Variants in MGAT4C observed in about 807,000 individuals in gnomAD.
MGAT4C encodes the protein MGAT4 family member C.
MGAT4C carries 19 observed loss-of-function variants against 40.1 expected under a neutral mutation model. The observed-to-expected ratio is 0.47, with a 90% CI of 0.33 to 0.70. The LOEUF (loss-of-function observed/expected upper bound fraction) is 0.70. Among genes scored for constraint, MGAT4C ranks in the 30% least tolerant of loss-of-function variants. MGAT4C has a pLI of 0.02. For missense variants in MGAT4C, 491 were observed against 563.2 expected (o/e 0.87, Z 1.30); for synonymous variants, 181 against 187.1 (o/e 0.97, Z 0.27).
intron 2 of MGAT4C, among the ~76,000 whole-genome samples, chr12:86,601,479 A>C (rs984573685): frequency 2.6e-5 from 4 of 152,088 alleles, no homozygotes; most frequent in African/African-American, 9.7e-5. Context: ...GCCTGTGGAT[A>C]GCGGTTACCT....
At chr12:86,360,591 C>T (rs1424848277) in intron 3 of MGAT4C, among the ~76,000 whole-genome samples, 3 of 152,130 alleles carry the variant, frequency 2.0e-5, no homozygotes, top group Admixed American at 1.3e-4. Context: ...AAAACCCCAT[C>T]GTCTCAGACC....
At chr12:86,003,615 T>C (rs774140106) in intron 2 of MGAT4C, among the ~76,000 whole-genome samples, 3 of 152,180 alleles carry the variant, frequency 2.0e-5, no homozygotes, top group Non-Finnish European at 2.9e-5. Flanking sequence ...TGTTGCAATA[T>C]AGTTGCTGAA....
At chr12:86,830,328 A>C (rs1952896756) in intron 1 of MGAT4C, among the ~76,000 whole-genome samples, 1 of 150,676 alleles carries the variant, frequency 6.6e-6, no homozygotes, top group Admixed American at 6.6e-5. Flanking sequence ...TTTAATTTCT[A>C]TCTGTTATTC....
At chr12:86,753,386 G>C (rs997610317) in intron 1 of MGAT4C, among the ~76,000 whole-genome samples, 1 of 152,116 alleles carries the variant, frequency 6.6e-6, no homozygotes, top group Admixed American at 6.6e-5. Context: ...GATACTTTTA[G>C]TTAATTTAAT....
chr12:86,310,981 C>T (rs1433145030), intron 4 of MGAT4C, among the ~76,000 whole-genome samples: 2 of 152,126 alleles, frequency 1.3e-5, no homozygotes, highest in African/African-American at 4.8e-5. Flanking sequence ...AAATGATATC[C>T]TAACTTTACC....
At chr12:86,411,820 CGGAGG>C (rs1555185522) in intron 3 of MGAT4C, among the ~76,000 whole-genome samples, 2 of 152,102 alleles carry the variant, frequency 1.3e-5, no homozygotes. Flanking sequence ...ATCATAGGCC[CGGAGG>C]ACTAGGATTG....
At chr12:86,625,147 G>T (rs930874700) in intron 2 of MGAT4C, among the ~76,000 whole-genome samples, 10 of 151,924 alleles carry the variant, frequency 6.6e-5, no homozygotes, top group Admixed American at 2.0e-4. Flanking sequence ...CTTTTTAAAG[G>T]GGCTCTTCCC....
intron 2 of MGAT4C, among the ~76,000 whole-genome samples, chr12:86,505,214 A>C (rs1329956114): frequency 6.6e-6 from 1 of 152,196 alleles, no homozygotes; most frequent in East Asian, 1.9e-4. Flanking sequence ...TTTGAAAAAA[A>C]AAATCCTGGC....
chr12:86,768,080 C>A (rs980514517), intron 1 of MGAT4C, among the ~76,000 whole-genome samples: 9 of 152,192 alleles, frequency 5.9e-5, no homozygotes, highest in African/African-American at 1.4e-4. Flanking sequence ...TCAAATTATC[C>A]CTGTTTGCAG....
chr12:86,463,831 C>T (rs1289774449), intron 2 of MGAT4C, among the ~76,000 whole-genome samples: 3 of 152,172 alleles, frequency 2.0e-5, no homozygotes, highest in African/African-American at 7.2e-5. Flanking sequence ...ATATCCATTT[C>T]TACTGGGGAT....
chr12:86,630,899 G>T (rs1006822971), intron 2 of MGAT4C, among the ~76,000 whole-genome samples: 2 of 152,112 alleles, frequency 1.3e-5, no homozygotes, highest in African/African-American at 2.4e-5. Context: ...GGAAGTTCAG[G>T]CCGGGGCAAT....
chr12:86,428,873 A>G lies in MGAT4C; in HGVS notation c.-120+6284T>C, dbSNP rs116653875. ...TCTCTCTTTTTTAGTTATTCTAGCTAAAGTTTGACAATTTTGTTTCTTTTC... is the reference window on the plus strand; with the variant it reads ...TCTCTCTTTTTTAGTTATTCTAGCTGAAGTTTGACAATTTTGTTTCTTTTC... On this transcript the variant is annotated intron_variant, in intron 3 of 7. Transcript: ENST00000548651. Among the ~76,000 whole-genome samples the G allele has an allele frequency of 8.1e-3, 1,236 of 152,132 alleles. 24 individuals carry two copies. Among genetic ancestry groups the G allele is most frequent in the African/African-American group, 0.029 (1,187 of 41,528 alleles).
At chr12:86,146,465 C>T (rs987763912) in intron 1 of MGAT4C, among the ~76,000 whole-genome samples, 19 of 152,100 alleles carry the variant, frequency 1.2e-4, no homozygotes, top group Admixed American at 2.6e-4. Flanking sequence ...ATTCACTCCC[C>T]TGGACTGAGA....
chr12:86,005,212 C>T (rs920706686), intron 2 of MGAT4C, among the ~76,000 whole-genome samples: 1 of 152,138 alleles, frequency 6.6e-6, no homozygotes, highest in Non-Finnish European at 1.5e-5. Flanking sequence ...GAAGCCATTG[C>T]TTACTCAGTA....
chr12:86,636,220 C>G (rs1346468318), intron 2 of MGAT4C, among the ~76,000 whole-genome samples: 1 of 151,960 alleles, frequency 6.6e-6, no homozygotes, highest in African/African-American at 2.4e-5. Flanking sequence ...GAATCTAACC[C>G]CTTTATTAAG....
intron 1 of MGAT4C, chr12:86,838,523 A>T (rs1432042884): frequency 6.6e-6 from 1 of 152,176 alleles, no homozygotes; most frequent in African/African-American, 2.4e-5. Flanking sequence ...TTTCACCTAT[A>T]AACATGCAGC....
At chr12:86,831,441 T>C (rs1183389719) in intron 1 of MGAT4C, among the ~76,000 whole-genome samples, 1 of 151,776 alleles carries the variant, frequency 6.6e-6, no homozygotes, top group Non-Finnish European at 1.5e-5. Flanking sequence ...ACTAAAAATC[T>C]GCTTTTCAAT....
intron 2 of MGAT4C, among the ~76,000 whole-genome samples, chr12:86,686,795 T>C (rs1950079923): frequency 6.6e-6 from 1 of 152,198 alleles, no homozygotes; most frequent in Non-Finnish European, 1.5e-5. Flanking sequence ...CCTGAATTTT[T>C]CTCTTTTTGT....
chr12:86,314,759 C>T (rs113970066), intron 4 of MGAT4C, among the ~76,000 whole-genome samples: 1 of 152,164 alleles, frequency 6.6e-6, no homozygotes, highest in East Asian at 1.9e-4. Context: ...TAACCCCTAA[C>T]ATTAAAATAC....
Sources: gnomAD v4.1 joint callset for allele counts (sites outside exome capture counted in the v4.1 genomes callset) on GRCh38, gnomAD v4.1.1 for gene constraint, MANE v1.5 for transcripts, NCBI Gene and HGNC (gene_info 2026-07-23, HGNC 2026-07-21) for gene names.